The following ARID3A variants were observed in gnomAD, a reference collection of about 807,000 sequenced individuals.
ARID3A encodes AT-rich interaction domain 3A.
ARID3A carries 11 observed loss-of-function variants against 52.7 expected under a neutral mutation model. The observed-to-expected ratio is 0.21, with a 90% CI of 0.13 to 0.35. ARID3A has a LOEUF of 0.35. ARID3A is among the 10% of genes least tolerant of loss of function. The pLI is 1.00. For synonymous variants in ARID3A, 404 were observed against 359.4 expected, an observed-to-expected ratio of 1.12 and a Z score of -1.40; for missense variants, 721 against 838.5, an observed-to-expected ratio of 0.86 and a Z score of 1.73.
chr19:937,769 C>T (rs55783091), intron 3 of ARID3A, among the ~76,000 whole-genome samples: 7 of 134,218 alleles, frequency 5.2e-5, no homozygotes, highest in Non-Finnish European at 9.1e-5. Flanking sequence ...TGCAATGGGG[C>T]GATCTCGGCT....
At chr19:954,920 C>T (rs767757133) in intron 3 of ARID3A, among the ~76,000 whole-genome samples, 30 of 152,262 alleles carry the variant, frequency 2.0e-4, no homozygotes, top group Non-Finnish European at 3.7e-4. Context: ...GGTCAGGCGG[C>T]GTGGAGGGGA....
intron 8 of ARID3A, among the ~76,000 whole-genome samples, chr19:969,865 G>T (rs904691525): frequency 1.1e-4 from 17 of 150,056 alleles, no homozygotes; most frequent in African/African-American, 4.2e-4. Context: ...ATTTTTTTTT[G>T]TATTTTTAGT....
In ARID3A at chr19:944,713, C is replaced by A. The variant is rs2037639900; in HGVS notation, c.693+11971C>A. 6.6e-6 allele frequency among the ~76,000 whole-genome samples: 1 copy of A among 152,168 alleles called. No homozygotes were observed. Among genetic ancestry groups the A allele is most frequent in the Non-Finnish European group, 1.5e-5 (1 of 68,022 alleles). On this transcript the variant is annotated intron_variant, in intron 3 of 8. Coordinates refer to ENST00000263620, the MANE Select transcript of ARID3A (RefSeq NM_005224.3). The surrounding 1 kb of genome is among the most constrained non-coding windows in gnomAD (Gnocchi z 5.9). ...CAGTCATAGCTCACTGCAGCCTCGA[C>A]CTCCCGGGCTCCGGTGATCTTCCCG...
intron 2 of ARID3A, among the ~76,000 whole-genome samples, chr19:930,911 T>C (rs62132343): frequency 0.15 from 23,288 of 152,186 alleles, 2,085 homozygotes; most frequent in African/African-American, 0.24. Context: ...TGGACCTGCA[T>C]AGCGTGTGGG....
chr19:952,960 G>A (rs1344116357), intron 3 of ARID3A, among the ~76,000 whole-genome samples: 8 of 152,162 alleles, frequency 5.3e-5, no homozygotes, highest in Non-Finnish European at 1.2e-4. Flanking sequence ...GTGACCTTGG[G>A]CACTGCTGGG....
intron 2 of ARID3A, among the ~76,000 whole-genome samples, chr19:931,823 C>CAA (rs376224000): frequency 3.5e-5 from 4 of 115,704 alleles, no homozygotes; most frequent in Non-Finnish European, 5.7e-5. Context: ...AAAAAAAAGA[C>CAA]AAAAAAAAAA....
At position 947,875 on chromosome 19, in the gene ARID3A, G is replaced by A. The variant is rs564526105; in HGVS notation, c.694-12217G>A. ...CTTCCCCAATTTCCCCACGCCCGGCGGGGCTCTCAGCATCTGCATCCGCCG... is the reference window on the plus strand; with the variant it reads ...CTTCCCCAATTTCCCCACGCCCGGCAGGGCTCTCAGCATCTGCATCCGCCG... On this transcript the variant is annotated intron_variant, in intron 3 of 8. Transcript: ENST00000263620. The surrounding 1 kb of genome is among the most constrained non-coding windows in gnomAD (Gnocchi z 6.3). Among the ~76,000 whole-genome samples the A allele has an allele frequency of 6.6e-6, 1 of 152,282 alleles. No homozygotes were observed. Among genetic ancestry groups the A allele is most frequent in the Admixed American group, 6.5e-5 (1 of 15,298 alleles).
Position 964,169 on chromosome 19 carries a change from G to C in ARID3A, c.767-79G>C. 8.1e-7 allele frequency: 1 copy of C among 1,240,250 alleles called. No homozygotes were observed. Among genetic ancestry groups the C allele is most frequent in the South Asian group, 1.4e-5 (1 of 72,456 alleles). 76.8% of individuals were successfully genotyped at this position (1,240,250 alleles called of 1,614,324 possible). ...CTGGGCGGGGGAGTGCTCCTGGCATGGAGAGGGCGGAGGCCAGGACACTCG... is the reference window on the plus strand; with the variant it reads ...CTGGGCGGGGGAGTGCTCCTGGCATCGAGAGGGCGGAGGCCAGGACACTCG... On this transcript the variant is annotated intron_variant, in intron 4 of 8. Coordinates refer to ENST00000263620, the MANE Select transcript of ARID3A (RefSeq NM_005224.3). This position sits in a 1 kb window ranked among gnomAD's most constrained non-coding sequence, Gnocchi z 5.7.
At position 964,088 on chromosome 19, in the gene ARID3A, C is replaced by G. The variant is rs1462799911; in HGVS notation, c.767-160C>G. ...AGCAGAGGTTCCCAGCCTGGATGAT[C>G]CTGCACCCACAGAGGGCCCTGGGCA... On this transcript the variant is annotated intron_variant, in intron 4 of 8. Coordinates refer to ENST00000263620, the MANE Select transcript of ARID3A (RefSeq NM_005224.3). This position sits in a 1 kb window ranked among gnomAD's most constrained non-coding sequence, Gnocchi z 5.7. Among the ~76,000 whole-genome samples the G allele has an allele frequency of 6.6e-6, 1 of 152,206 alleles. No individual in the cohort carries two copies. The highest frequency in any genetic ancestry group is 1.5e-5 in the Non-Finnish European group (1 of 68,034).
rs926213675 is a variant in ARID3A at position 941,163 on chromosome 19, G to A, written c.693+8421G>A. On this transcript the variant is annotated intron_variant, in intron 3 of 8. Transcript: ENST00000263620. This position sits in a 1 kb window ranked among gnomAD's most constrained non-coding sequence, Gnocchi z 6.9. ...TCTAATAACACACGCGGCAGCCCGA[G>A]GGAGCGGTGCCCGCAGGCAGAGAGT... Among the ~76,000 whole-genome samples, 22 of 152,234 alleles carry A rather than the reference G, an allele frequency of 1.4e-4. No homozygotes were observed. The highest frequency in any genetic ancestry group is 7.8e-4 in the Admixed American group (12 of 15,290).
chr19:943,293 G>A (rs553885519), intron 3 of ARID3A, among the ~76,000 whole-genome samples: 249 of 151,554 alleles, frequency 1.6e-3, no homozygotes, highest in Non-Finnish European at 3.1e-3. Flanking sequence ...AAGGACGGGC[G>A]CGCAGTGTCT....
intron 1 of ARID3A, among the ~76,000 whole-genome samples, chr19:927,629 G>C (rs2037229227): frequency 6.6e-6 from 1 of 151,384 alleles, no homozygotes; most frequent in Non-Finnish European, 1.5e-5. Flanking sequence ...CCAGGTGGGG[G>C]AGGGGCGACA....
intron 3 of ARID3A, among the ~76,000 whole-genome samples, chr19:949,541 C>T (rs1325909994): frequency 6.6e-6 from 1 of 152,122 alleles, no homozygotes; most frequent in African/African-American, 2.4e-5. Context: ...AACTCCTGGC[C>T]TCAAGCCATC....
intron 8 of ARID3A, among the ~76,000 whole-genome samples, chr19:969,219 A>G (rs2145470775): frequency 6.6e-6 from 1 of 152,278 alleles, no homozygotes; most frequent in Middle Eastern, 3.4e-3. Context: ...TAATAATCAC[A>G]TCAGGGTAAA....
intron 8 of ARID3A, among the ~76,000 whole-genome samples, chr19:970,886 G>A (rs1203078244): frequency 6.6e-6 from 1 of 152,202 alleles, no homozygotes; most frequent in Non-Finnish European, 1.5e-5. Flanking sequence ...GCTGTGGTCA[G>A]AGGCTGAGCT....
rs2038346453 is a variant in ARID3A at position 974,725 on chromosome 19, C to T, written c.*2660C>T. On this transcript the variant is annotated 3_prime_UTR_variant, in exon 9 of 9. Coordinates refer to ENST00000263620, the MANE Select transcript of ARID3A (RefSeq NM_005224.3). ...CGTGCAGGGTCGAGGGCTGGGTCGT[C>T]TCCCTCGGGCTGCGTGTGTGTGTCG... 4.3e-6 allele frequency: 1 copy of T among 231,566 alleles called. No individual in the cohort carries two copies. Among genetic ancestry groups the T allele is most frequent in the Non-Finnish European group, 8.5e-6 (1 of 117,100 alleles). 14.3% of individuals were successfully genotyped at this position (231,566 alleles called of 1,614,324 possible). A position where few individuals can be genotyped will look rare whatever the true frequency, so the allele number is the denominator to read the frequency against.
At chr19:970,730 C>T (rs930938122) in intron 8 of ARID3A, among the ~76,000 whole-genome samples, 3 of 151,916 alleles carry the variant, frequency 2.0e-5, no homozygotes, top group African/African-American at 4.8e-5. Context: ...GTCTTGGCCT[C>T]CCAAAGTGCT....
In ARID3A at chr19:971,965, C is replaced by A; in HGVS notation, c.1682C>A (p.Ala561Glu). Reference protein sequence around the residue: ...GGGGGGSSSNAGGRGGNTGTS... With the variant: ...GGGGGGSSSNEGGRGGNTGTS... ...GGCGGCGGCGGCAGCAGCAGCAACG[C>A]AGGCGGCCGGGGAGGAAACACCGGA... The change falls in exon 9 of 9, where the codon GCA becomes GAA. Residue 561 changes from alanine (A) to glutamate (E), a missense_variant. Physicochemically the swap from Ala to Glu is moderately radical, Grantham distance 107. Around this residue, in one of 5 missense-constraint regions of ARID3A, gnomAD observed 297 missense variants for 343.2 expected, o/e 0.87. Coordinates refer to ENST00000263620, the MANE Select transcript of ARID3A (RefSeq NM_005224.3). 1 of 1,601,352 alleles carries A rather than the reference C, an allele frequency of 6.2e-7. No homozygotes were observed. Among genetic ancestry groups the A allele is most frequent in the Non-Finnish European group, 8.5e-7 (1 of 1,174,496 alleles).
At chr19:965,916 CAGGTGGCAG>C (rs2038139303) in intron 6 of ARID3A, among the ~76,000 whole-genome samples, 1 of 151,244 alleles carries the variant, frequency 6.6e-6, no homozygotes, top group Non-Finnish European at 1.5e-5. Flanking sequence ...CGCTTGAACC[CAGGTGGCAG>C]AGGTTGCGGT....
Sources: allele counts gnomAD v4.1 joint callset (sites outside exome capture counted in the v4.1 genomes callset), GRCh38; gene constraint gnomAD v4.1.1; regional missense constraint gnomAD v4.1.1; non-coding constraint Gnocchi (gnomAD v3.1); transcripts MANE v1.5; gene names NCBI Gene and HGNC (gene_info 2026-07-23, HGNC 2026-07-21).